ACTR3: variants seen among roughly 807,000 people sequenced by gnomAD.
The protein encoded by ACTR3 is actin-related protein 3.
ACTR3 carries 12 observed loss-of-function variants against 56.8 expected under a neutral mutation model. The observed-to-expected ratio is 0.21, with a 90% CI of 0.14 to 0.34. ACTR3 has a LOEUF of 0.34. ACTR3 is among the 10% of genes least tolerant of loss of function. The pLI is 1.00. For synonymous variants in ACTR3, 162 were observed against 167.4 expected, an observed-to-expected ratio of 0.97 and a Z score of 0.25; for missense variants, 282 against 512.5, an observed-to-expected ratio of 0.55 and a Z score of 4.34.
intron 1 of ACTR3, chr2:113,905,165 C>T (rs1056819881): frequency 6.6e-6 from 1 of 151,998 alleles, no homozygotes; most frequent in Non-Finnish European, 1.5e-5. Flanking sequence ...ATATTTGATA[C>T]ATTTAGATTT....
At chr2:113,915,194 A>G (rs55810358) in intron 2 of ACTR3, among the ~76,000 whole-genome samples, 26,665 of 152,174 alleles carry the variant, frequency 0.18, 4,179 homozygotes, top group African/African-American at 0.4. Context: ...GAAAACAACA[A>G]ACACTTAGAA....
At chr2:113,911,570 C>T (rs188046666) in intron 1 of ACTR3, among the ~76,000 whole-genome samples, 57 of 152,006 alleles carry the variant, frequency 3.7e-4, no homozygotes, top group African/African-American at 1.3e-3. Flanking sequence ...CAGGCGCCCA[C>T]CACCACACCC....
intron 1 of ACTR3, among the ~76,000 whole-genome samples, chr2:113,901,524 A>G (rs961987238): frequency 6.6e-6 from 1 of 152,232 alleles, no homozygotes; most frequent in Admixed American, 6.5e-5. Context: ...CTTACATAAA[A>G]TTATATAAGA....
At chr2:113,929,364 T>G (rs1022586337) in intron 4 of ACTR3, among the ~76,000 whole-genome samples, 1 of 151,896 alleles carries the variant, frequency 6.6e-6, no homozygotes, top group Non-Finnish European at 1.5e-5. Context: ...GGTCTTGAAC[T>G]CCTGGGCTCC....
intron 11 of ACTR3, 81 bp from the exon 12 acceptor site, chr2:113,957,279 T>C: frequency 1.0e-6 from 1 of 954,810 alleles, no homozygotes. Flanking sequence ...TTTTAAAGCA[T>C]CACTCTTAAA....
Position 113,953,214 on chromosome 2 carries a change from C to G in ACTR3, c.1077+1369C>G, listed in dbSNP as rs981824608. 2.0e-5 allele frequency: 3 copies of G among 152,142 alleles called. No homozygotes were observed. The East Asian group carries it at 5.8e-4, about 29-fold the overall frequency. 9.4% of individuals were successfully genotyped at this position (152,142 alleles called of 1,614,324 possible). The stretch of plus-strand genomic sequence containing the variant: ...TTAACATTTTTAAGCTCTTTTTACA[C>G]TTGTAAATAAGAAATAAATTTACCC... On this transcript the variant is annotated intron_variant, in intron 10 of 11. Transcript: ENST00000263238.
intron 6 of ACTR3, among the ~76,000 whole-genome samples, chr2:113,935,167 T>C (rs1211758769): frequency 6.6e-6 from 1 of 152,214 alleles, no homozygotes; most frequent in Non-Finnish European, 1.5e-5. Context: ...TGATATGTCA[T>C]AATGGTTTTA....
At chr2:113,908,019 C>A (rs1349029712) in intron 1 of ACTR3, among the ~76,000 whole-genome samples, 1 of 144,374 alleles carries the variant, frequency 6.9e-6, no homozygotes, top group Non-Finnish European at 1.5e-5. Flanking sequence ...TGCTGTGATA[C>A]ACTTGGTCAG....
Position 113,957,577 on chromosome 2 carries a change from A to T in ACTR3, c.*122A>T, listed in dbSNP as rs965957141. The T allele has an allele frequency of 1.1e-5, 7 of 660,872 alleles. No individual in the cohort carries two copies. The highest frequency in any genetic ancestry group is 4.0e-4 in the Middle Eastern group (1 of 2,500). The allele number at this position is 660,872 out of a possible 1,614,324, so 40.9% of individuals were successfully genotyped here. On this transcript the variant is annotated 3_prime_UTR_variant, in exon 12 of 12. Coordinates refer to ENST00000263238, the MANE Select transcript of ACTR3 (RefSeq NM_005721.5). Reference sequence around the variant, plus strand: ...CTGACTTGAAATAGTAACACCAAACATGATTATACAGGAATATTTTAATAA... The same window carrying T: ...CTGACTTGAAATAGTAACACCAAACTTGATTATACAGGAATATTTTAATAA...
chr2:113,945,819 A>G (rs1680010956), intron 8 of ACTR3, among the ~76,000 whole-genome samples: 1 of 152,038 alleles, frequency 6.6e-6, no homozygotes, highest in African/African-American at 2.4e-5. Context: ...GATAGGCCCC[A>G]GTGTCTGTTG....
chr2:113,927,775 T>C (rs1679647344), intron 4 of ACTR3, among the ~76,000 whole-genome samples: 1 of 152,224 alleles, frequency 6.6e-6, no homozygotes, highest in Non-Finnish European at 1.5e-5. Flanking sequence ...AGTCTGATTA[T>C]TATATCATTG....
chr2:113,950,549 G>A (rs1680101754), intron 8 of ACTR3, among the ~76,000 whole-genome samples: 1 of 152,178 alleles, frequency 6.6e-6, no homozygotes, highest in Non-Finnish European at 1.5e-5. Flanking sequence ...ATATGTTTTA[G>A]CGATTAGGTA....
chr2:113,918,251 G>A (rs1473464709), intron 3 of ACTR3, among the ~76,000 whole-genome samples: 1 of 152,142 alleles, frequency 6.6e-6, no homozygotes, highest in African/African-American at 2.4e-5. Context: ...GAATCTGCCT[G>A]TTTGAACTTG....
chr2:113,917,534 C>T (rs2104597038), intron 3 of ACTR3, among the ~76,000 whole-genome samples: 1 of 152,220 alleles, frequency 6.6e-6, no homozygotes, highest in African/African-American at 2.4e-5. Flanking sequence ...CAGAACAAAT[C>T]TAGTAACCCT....
intron 1 of ACTR3, among the ~76,000 whole-genome samples, chr2:113,905,634 A>G (rs1220128688): frequency 6.6e-6 from 1 of 152,142 alleles, no homozygotes; most frequent in Non-Finnish European, 1.5e-5. Context: ...AACTCTGCGC[A>G]TTAAGCAGTA....
At chr2:113,911,976 G>A (rs1574358247) in intron 1 of ACTR3, among the ~76,000 whole-genome samples, 3 of 152,032 alleles carry the variant, frequency 2.0e-5, no homozygotes, top group East Asian at 1.9e-4. Context: ...TCCTGGTCCC[G>A]TAATCCACCT....
chr2:113,956,885 G>A (rs1401692514), intron 11 of ACTR3, among the ~76,000 whole-genome samples: 1 of 152,186 alleles, frequency 6.6e-6, no homozygotes, highest in Non-Finnish European at 1.5e-5. Context: ...AGGTAACACA[G>A]CATGGAACAG....
intron 1 of ACTR3, among the ~76,000 whole-genome samples, chr2:113,891,305 T>A (rs1261230787): frequency 1.3e-5 from 2 of 152,136 alleles, no homozygotes; most frequent in African/African-American, 4.8e-5. Context: ...AGCAGGAAGG[T>A]ATAGAGGTAT....
chr2:113,927,809 A>T (rs938013777), intron 4 of ACTR3, among the ~76,000 whole-genome samples: 3 of 152,190 alleles, frequency 2.0e-5, no homozygotes, highest in Non-Finnish European at 4.4e-5. Flanking sequence ...ACAAAAATAC[A>T]ATATAATCTA....
Sources: gnomAD v4.1 joint callset for allele counts (sites outside exome capture counted in the v4.1 genomes callset) on GRCh38, gnomAD v4.1.1 for gene constraint, MANE v1.5 for transcripts, NCBI Gene and HGNC (gene_info 2026-07-23, HGNC 2026-07-21) for gene names.